Variants in SPTLC2 observed in about 807,000 individuals in gnomAD.
SPTLC2 encodes serine palmitoyltransferase 2.
A neutral mutation model predicts 62.0 loss-of-function variants in SPTLC2; 21 were observed. The ratio of observed to expected loss-of-function variants is 0.34; its 90% CI spans 0.24 to 0.49. The LOEUF is 0.49. Among genes scored for constraint, SPTLC2 ranks in the 20% least tolerant of loss-of-function variants. SPTLC2 has a pLI of 0.99. For missense variants in SPTLC2, 511 were observed against 713.0 expected, an observed-to-expected ratio of 0.72 and a Z score of 3.23; for synonymous variants, 261 against 261.8, an observed-to-expected ratio of 1.00 and a Z score of 0.03.
rs752632394 is a variant in SPTLC2, at chr14:77,529,246, ACTT to A, written c.1304-7668_1304-7666del. 1.1e-3 allele frequency among the ~76,000 whole-genome samples: 134 copies of A among 121,922 alleles called. 9 individuals are homozygous for A. The highest frequency in any genetic ancestry group is 1.3e-3 in the East Asian group (5 of 3,746). The allele number at this position is 121,922 out of a possible 152,430, so 80.0% of individuals were successfully genotyped here. A position where few individuals can be genotyped will look rare whatever the true frequency, so the allele number is the denominator to read the frequency against. On this transcript the variant is annotated intron_variant, in intron 9 of 11. Transcript: ENST00000216484. ...ATTCCTGTGAAGTTTCTCTTTGAAA[ACTT>A]CTTCTTTTTTTTTTTTTTTTTTTTT...
At chr14:77,525,997 A>T (rs2079407459) in intron 9 of SPTLC2, among the ~76,000 whole-genome samples, 1 of 152,238 alleles carries the variant, frequency 6.6e-6, no homozygotes, top group Admixed American at 6.5e-5. Context: ...ACATGCTACC[A>T]TTTTTGACCT....
intron 2 of SPTLC2, among the ~76,000 whole-genome samples, chr14:77,587,531 C>T (rs1342492016): frequency 2.7e-5 from 4 of 147,082 alleles, no homozygotes; most frequent in Non-Finnish European, 6.0e-5. Context: ...CTTTGGGAGG[C>T]TGAGGCAGGT....
intron 6 of SPTLC2, 35 bp from the exon 7 acceptor site, chr14:77,557,181 C>T (rs2079589085): frequency 6.6e-7 from 1 of 1,516,702 alleles, no homozygotes; most frequent in African/African-American, 1.4e-5. Context: ...TATACCGCAT[C>T]TTCCTCTTTC....
chr14:77,580,554 G>GA (rs11322822), intron 2 of SPTLC2, among the ~76,000 whole-genome samples: 7,477 of 129,216 alleles, frequency 0.058, 218 homozygotes, highest in Middle Eastern at 0.094. Flanking sequence ...TTTTAAAAAA[G>GA]AAAAAAAAAA....
intron 3 of SPTLC2, among the ~76,000 whole-genome samples, chr14:77,578,138 C>A (rs2079727317): frequency 6.6e-6 from 1 of 152,090 alleles, no homozygotes; most frequent in African/African-American, 2.4e-5. Context: ...AAGCGAGACT[C>A]TGACTCAAAT....
At chr14:77,567,974 T>C (rs2079655142) in intron 5 of SPTLC2, among the ~76,000 whole-genome samples, 1 of 152,208 alleles carries the variant, frequency 6.6e-6, no homozygotes, top group East Asian at 1.9e-4. Context: ...TTATATTTAC[T>C]GGTTTAGCAC....
Position 77,607,814 on chromosome 14 carries a change from T to C in SPTLC2, c.132+8634A>G, listed in dbSNP as rs2079912946. ...TAATTTAGTTGTCCTGGAAATAACC[T>C]GCTTGCCTATGTAAAAGTCAAGCTT... is the stretch of plus-strand genomic sequence containing the variant. On this transcript the variant is annotated intron_variant, in intron 1 of 11. Coordinates refer to ENST00000216484, the MANE Select transcript of SPTLC2 (RefSeq NM_004863.4). Among the ~76,000 whole-genome samples the C allele has an allele frequency of 3.9e-5, 6 of 152,350 alleles. No homozygotes were observed. The South Asian group carries it at 1.2e-3, about 32-fold the overall frequency.
intron 4 of SPTLC2, among the ~76,000 whole-genome samples, chr14:77,573,928 G>C (rs145069271): frequency 6.6e-6 from 1 of 152,256 alleles, no homozygotes; most frequent in African/African-American, 2.4e-5. Context: ...CACTGTGCCC[G>C]GCCAGAAGAC....
At chr14:77,548,394 A>T (rs755362586) in intron 9 of SPTLC2, among the ~76,000 whole-genome samples, 7 of 152,252 alleles carry the variant, frequency 4.6e-5, no homozygotes, top group Admixed American at 6.5e-5. Context: ...AATAAAATAC[A>T]TCAAAGCACA....
intron 5 of SPTLC2, among the ~76,000 whole-genome samples, chr14:77,565,242 C>CAA (rs59356054): frequency 0.03 from 1,020 of 33,694 alleles, 133 homozygotes; most frequent in Middle Eastern, 0.19. Context: ...AACTCCATCT[C>CAA]AAAAAAAAAA....
intron 9 of SPTLC2, among the ~76,000 whole-genome samples, chr14:77,542,187 T>C (rs2079504849): frequency 1.3e-5 from 2 of 151,980 alleles, no homozygotes; most frequent in Admixed American, 6.6e-5. Context: ...TCAGTGAAGA[T>C]ATTTTTAAAA....
chr14:77,535,993 G>C (rs1323581177), intron 9 of SPTLC2: 2 of 454,546 alleles, frequency 4.4e-6, no homozygotes, highest in Admixed American at 4.7e-5. Context: ...TTCATGAATA[G>C]TGATGCCATT....
At chr14:77,526,004 AC>A (rs1449284301) in intron 9 of SPTLC2, among the ~76,000 whole-genome samples, 3 of 152,240 alleles carry the variant, frequency 2.0e-5, no homozygotes, top group African/African-American at 7.2e-5. Flanking sequence ...ACCATTTTTG[AC>A]CTTAAAGCAG....
At chr14:77,528,667 G>A (rs2079421046) in intron 9 of SPTLC2, among the ~76,000 whole-genome samples, 1 of 152,112 alleles carries the variant, frequency 6.6e-6, no homozygotes, top group Non-Finnish European at 1.5e-5. Flanking sequence ...TTGACATAAA[G>A]CAGGATAAAA....
Position 77,510,162 on chromosome 14 carries a change from C to T in SPTLC2, c.*2122G>A. 2.6e-6 allele frequency: 1 copy of T among 384,228 alleles called. No individual in the cohort carries two copies. Among genetic ancestry groups the T allele is most frequent in the South Asian group, 1.5e-4 (1 of 6,890 alleles). 23.8% of individuals were successfully genotyped at this position (384,228 alleles called of 1,614,324 possible). The stretch of plus-strand genomic sequence containing the variant: ...ACCACAACCTCCTTCTTACTTTAAC[C>T]TATACATGCTAAATATAGTCTCTGC... On this transcript the variant is annotated 3_prime_UTR_variant, in exon 12 of 12. Transcript: ENST00000216484.
At chr14:77,608,112 T>C (rs1006320163) in intron 1 of SPTLC2, among the ~76,000 whole-genome samples, 1 of 152,158 alleles carries the variant, frequency 6.6e-6, no homozygotes, top group Non-Finnish European at 1.5e-5. Flanking sequence ...TAGGGAGAGC[T>C]TAGGGAGAGG....
chr14:77,600,110 T>C (rs998538495), intron 1 of SPTLC2, among the ~76,000 whole-genome samples: 3 of 152,200 alleles, frequency 2.0e-5, no homozygotes, highest in Non-Finnish European at 4.4e-5. Context: ...GATATCCGCC[T>C]TGATTTCAGG....
At chr14:77,613,762 T>C (rs2079950188) in intron 1 of SPTLC2, among the ~76,000 whole-genome samples, 1 of 152,238 alleles carries the variant, frequency 6.6e-6, no homozygotes, top group South Asian at 2.1e-4. Context: ...ATGCGTATTT[T>C]TGATGGCACA....
At chr14:77,606,237 G>A (rs2079904274) in intron 1 of SPTLC2, among the ~76,000 whole-genome samples, 1 of 152,252 alleles carries the variant, frequency 6.6e-6, no homozygotes, top group Non-Finnish European at 1.5e-5. Context: ...GGCTGAGGCA[G>A]GAGAGCCGCT....
Sources: allele counts gnomAD v4.1 joint callset (sites outside exome capture counted in the v4.1 genomes callset), GRCh38; gene constraint gnomAD v4.1.1; transcripts MANE v1.5; gene names NCBI Gene and HGNC (gene_info 2026-07-23, HGNC 2026-07-21).